Variants in SULT1A1 observed in about 807,000 individuals in gnomAD.
SULT1A1 encodes the protein sulfotransferase 1A1.
A neutral mutation model predicts 36.8 loss-of-function variants in SULT1A1; 35 were observed. The ratio of observed to expected loss-of-function variants is 0.95; its 90% CI spans 0.73 to 1.26. The LOEUF is 1.26. Ranked by LOEUF, SULT1A1 falls within the 50% of genes most tolerant of loss-of-function variation. The pLI, the probability that SULT1A1 is intolerant of heterozygous loss-of-function variation, is 0.00. For missense variants in SULT1A1, 309 were observed against 383.0 expected (o/e 0.81, Z 1.61); for synonymous variants, 119 against 146.0 (o/e 0.82, Z 1.33).
chr16:28,610,952 G>A (rs1160747093), upstream of SULT1A1: 2 of 152,526 alleles, frequency 1.3e-5, no homozygotes, highest in Non-Finnish European at 2.9e-5. Flanking sequence ...TCAGAGGCAA[G>A]CGGACAGGTG....
Position 28,605,338 on chromosome 16 carries a change from T to G in SULT1A1, c.*483A>C. The stretch of plus-strand genomic sequence containing the variant: ...CTCAGGCTTGAGTGGATTAGCCCAG[T>G]CAGCCCACTGCAGCCATAACCTCCC... On this transcript the variant is annotated 3_prime_UTR_variant, in exon 8 of 8. Coordinates refer to ENST00000314752, the MANE Select transcript of SULT1A1 (RefSeq NM_001055.4). 1 of 251,126 alleles carries G rather than the reference T, an allele frequency of 4.0e-6. No homozygotes were observed. The highest frequency in any genetic ancestry group is 4.3e-5 in the South Asian group (1 of 23,074). 15.6% of individuals were successfully genotyped at this position (251,126 alleles called of 1,614,324 possible).
chr16:28,623,203 G>GCGGCGCT (rs2047693109), exon 1 of SULT1A1: 1 of 1,546,540 alleles, frequency 6.5e-7, no homozygotes, highest in Admixed American at 2.0e-5. Context: ...AGCATGGCGC[G>GCGGCGCT]CGGCGCTCGG....
chr16:28,606,274 A>G (rs4149393), intron 6 of SULT1A1, 38 bp from the exon 7 acceptor site: 583,055 of 1,575,790 alleles, frequency 0.37, 110,920 homozygotes, highest in Admixed American at 0.46. Context: ...GGCTCGGATT[A>G]CTGATTCAGG....
chr16:28,606,887 G>A (rs2151683331), intron 5 of SULT1A1, 32 bp from the exon 6 acceptor site: 2 of 1,612,384 alleles, frequency 1.2e-6, no homozygotes. Context: ...GCCAACACAG[G>A]GTTGCTGTGC....
At chr16:28,609,358 C>G (rs933458320) in intron 1 of SULT1A1, 84 of 1,290,460 alleles carry the variant, frequency 6.5e-5, no homozygotes, top group Admixed American at 1.4e-4. Context: ...CTGTGATCCA[C>G]TTGCCTGGCC....
Position 28,623,005 on chromosome 16 carries a change from C to A in SULT1A1, c.67+126G>T, listed in dbSNP as rs530028965. On this transcript the variant is annotated intron_variant, in intron 1 of 5. Transcript: ENST00000350842. ...CTCTGAAGCAGCTCCGGTCTCAGAG[C>A]CCCGGCTCCTGCCCGGGTCCCCAGG... is the stretch of plus-strand genomic sequence containing the variant. 29 of 1,294,210 alleles carry A rather than the reference C, an allele frequency of 2.2e-5. No homozygotes were observed. The East Asian group carries it at 6.1e-4, about 27-fold the overall frequency. The allele number at this position is 1,294,210 out of a possible 1,614,324, so 80.2% of individuals were successfully genotyped here.
Position 28,605,528 on chromosome 16 carries a change from T to G in SULT1A1, c.*293A>C. 2.0e-6 allele frequency: 1 copy of G among 511,246 alleles called. No homozygotes were observed. The highest frequency in any genetic ancestry group is 3.5e-6 in the Non-Finnish European group (1 of 287,450). 31.7% of individuals were successfully genotyped at this position (511,246 alleles called of 1,614,324 possible). On this transcript the variant is annotated 3_prime_UTR_variant, in exon 8 of 8. Coordinates refer to ENST00000314752, the MANE Select transcript of SULT1A1 (RefSeq NM_001055.4). ...CTCCAGTGATCCTCTAGCCTCAACT[T>G]CTCAAATTGCTGGGATTACAGGCAT...
intron 1 of SULT1A1, among the ~76,000 whole-genome samples, chr16:28,620,385 G>A (rs2047627858): frequency 6.6e-6 from 1 of 151,748 alleles, no homozygotes; most frequent in South Asian, 2.1e-4. Flanking sequence ...GGGCAACAGG[G>A]CAAAACCTCA....
At position 28,605,764 on chromosome 16, in the gene SULT1A1, G is replaced by A; in HGVS notation, c.*57C>T. On this transcript the variant is annotated 3_prime_UTR_variant, in exon 8 of 8. Transcript: ENST00000314752. ...CCCTCAATTCATATTTTATTCTTGA[G>A]CCGCTTGGTCAGGTTTGATTCGCAC... The A allele has an allele frequency of 6.2e-7, 1 of 1,608,920 alleles. No homozygotes were observed. The highest frequency in any genetic ancestry group is 8.5e-7 in the Non-Finnish European group (1 of 1,177,562).
intron 2 of SULT1A1, among the ~76,000 whole-genome samples, chr16:28,617,782 C>T (rs1047411400): frequency 3.9e-5 from 6 of 151,904 alleles, no homozygotes; most frequent in Non-Finnish European, 8.8e-5. Flanking sequence ...CCTAGTGATC[C>T]GCCTGCCAAA....
Position 28,608,832 on chromosome 16 carries a change from G to C in SULT1A1, c.24C>G (p.Ser8=). Residue 8 remains serine (S), a synonymous_variant, in exon 2 of 8, where the codon TCC becomes TCG. Coordinates refer to ENST00000314752, the MANE Select transcript of SULT1A1 (RefSeq NM_001055.4). ...CCTTCACGTACTCCAGTGGCGGGCG[G>C]GAGGTGTCCTGGATCAGCTCCATGT... The part of the protein sequence containing the change: MELIQDT[S]RPPLEYVKGV... 1 of 1,611,664 alleles carries C rather than the reference G, an allele frequency of 6.2e-7. No homozygotes were observed. Among genetic ancestry groups the C allele is most frequent in the Non-Finnish European group, 8.5e-7 (1 of 1,179,462 alleles).
chr16:28,620,218 T>C, intron 1 of SULT1A1: 1 of 1,298,640 alleles, frequency 7.7e-7, no homozygotes, highest in South Asian at 1.3e-5. Flanking sequence ...CATTCCAAAA[T>C]GCAAAGTAAC....
intron 2 of SULT1A1, among the ~76,000 whole-genome samples, chr16:28,619,112 A>G (rs2047601998): frequency 6.6e-6 from 1 of 152,178 alleles, no homozygotes; most frequent in African/African-American, 2.4e-5. Flanking sequence ...CTTCAGATTC[A>G]AGTGATTCTC....
chr16:28,611,770 C>CT (rs1363075268), upstream of SULT1A1: 1 of 137,902 alleles, frequency 7.3e-6, no homozygotes, highest in Admixed American at 7.5e-5. Context: ...AATCCCAGCA[C>CT]TTTGGGAGGC....
chr16:28,620,456 C>G (rs1460436744), intron 1 of SULT1A1, among the ~76,000 whole-genome samples: 4 of 150,794 alleles, frequency 2.7e-5, no homozygotes, highest in African/African-American at 9.8e-5. Flanking sequence ...CATAGTTACT[C>G]AGGAGGCTGA....
chr16:28,610,093 AG>A, upstream of SULT1A1: 1 of 481,382 alleles, frequency 2.1e-6, no homozygotes, highest in Non-Finnish European at 3.4e-6. Context: ...TCCGGAAGGA[AG>A]GGGTGGGGTT....
rs1475601781 is a variant in SULT1A1, at chr16:28,605,645, T to G, written c.*176A>C. On this transcript the variant is annotated 3_prime_UTR_variant, in exon 8 of 8. Transcript: ENST00000314752. Reference sequence around the variant, plus strand: ...ATTTTTTTAACAGAATCTCACTATGTTGCCCAGGTTGGTCTCGAACTCCTG... The same window carrying G: ...ATTTTTTTAACAGAATCTCACTATGGTGCCCAGGTTGGTCTCGAACTCCTG... 1 of 996,274 alleles carries G rather than the reference T, an allele frequency of 1.0e-6. No homozygotes were observed. The highest frequency in any genetic ancestry group is 2.6e-5 in the East Asian group (1 of 38,748). 61.7% of individuals were successfully genotyped at this position (996,274 alleles called of 1,614,324 possible).
Position 28,609,348 on chromosome 16 carries a change from C to T in SULT1A1, c.-4-489G>A, listed in dbSNP as rs190478811. ...TGGAAACCGCCCAGGCCAGCCAGGCCTGTGATCCACTTGCCTGGCCACAGT... is the reference window on the plus strand; with the variant it reads ...TGGAAACCGCCCAGGCCAGCCAGGCTTGTGATCCACTTGCCTGGCCACAGT... On this transcript the variant is annotated intron_variant, in intron 1 of 7. Transcript: ENST00000314752. The T allele has an allele frequency of 1.2e-4, 150 of 1,290,918 alleles. 1 individual carries two copies. The African/African-American group carries it at 2.0e-3, about 18-fold the overall frequency. 80.0% of individuals were successfully genotyped at this position (1,290,918 alleles called of 1,614,324 possible).
At chr16:28,618,909 C>T (rs1177447757) in intron 2 of SULT1A1, among the ~76,000 whole-genome samples, 1 of 152,134 alleles carries the variant, frequency 6.6e-6, no homozygotes, top group African/African-American at 2.4e-5. Flanking sequence ...ATAAATTGTC[C>T]CTTTGGCTGC....
Sources: allele counts gnomAD v4.1 joint callset (sites outside exome capture counted in the v4.1 genomes callset), GRCh38; gene constraint gnomAD v4.1.1; transcripts MANE v1.5; gene names NCBI Gene and HGNC (gene_info 2026-07-23, HGNC 2026-07-21).